GATA4: variants seen among roughly 807,000 people sequenced by gnomAD.
GATA4 encodes GATA binding protein 4.
In GATA4, 7 loss-of-function variants were observed where a neutral mutation model predicts 37.9. The observed-to-expected ratio is 0.18, with a 90% CI of 0.11 to 0.35. GATA4 has a LOEUF of 0.35. GATA4 is among the 10% of genes least tolerant of loss of function. The probability of loss-of-function intolerance (pLI) is 1.00; values close to 1 mark genes in which losing one functional copy is unlikely to be tolerated. For missense variants in GATA4, 647 were observed against 653.0 expected (o/e 0.99, Z 0.10); for synonymous variants, 372 against 292.6 (o/e 1.27, Z -2.77).
In GATA4 at chr8:11,759,856, A is replaced by G. The variant is rs3735812; in HGVS notation, c.*1381A>G. ...TAGCAGAGAATACCTTTGAACCAAGATTCTGTTTTAATCATCATTTACATT... is the reference window on the plus strand; with the variant it reads ...TAGCAGAGAATACCTTTGAACCAAGGTTCTGTTTTAATCATCATTTACATT... On this transcript the variant is annotated 3_prime_UTR_variant, in exon 7 of 7. Transcript: ENST00000532059. The G allele has an allele frequency of 6.5e-3, 998 of 152,690 alleles. 7 individuals carry two copies. Among genetic ancestry groups the G allele is most frequent in the East Asian group, 0.03 (153 of 5,180 alleles). The allele number at this position is 152,690 out of a possible 1,614,324, so 9.5% of individuals were successfully genotyped here.
intron 1 of GATA4, chr8:11,694,578 A>G (rs1799448540): frequency 7.9e-6 from 7 of 888,908 alleles, no homozygotes; most frequent in Non-Finnish European, 9.4e-6. Flanking sequence ...AAGATCATGG[A>G]AGCCAAACTG....
chr8:11,686,652 A>G (rs969059128), intron 1 of GATA4, among the ~76,000 whole-genome samples: 12 of 152,184 alleles, frequency 7.9e-5, no homozygotes, highest in African/African-American at 2.9e-4. Context: ...TTCCTGAAGG[A>G]TGATTCTTGC....
intron 2 of GATA4, among the ~76,000 whole-genome samples, chr8:11,734,155 AT>A (rs370717237): frequency 3.5e-4 from 53 of 152,362 alleles, no homozygotes; most frequent in Middle Eastern, 3.4e-3. Flanking sequence ...TGGCTAAAAT[AT>A]ATCTCCTATA....
In GATA4 at chr8:11,708,254, G is replaced by A; in HGVS notation, c.-59G>A. The stretch of plus-strand genomic sequence containing the variant: ...TGTTGCCGTCGTTTTCTCTCCCCGC[G>A]TGGCTCCTTGACCTGCGAGGGAGAG... On this transcript the variant is annotated 5_prime_UTR_variant, in exon 2 of 7. It adds an upstream start codon to the 5' untranslated region. Coordinates refer to ENST00000532059, the MANE Select transcript of GATA4 (RefSeq NM_001308093.3). This position sits in a 1 kb window ranked among gnomAD's most constrained non-coding sequence, Gnocchi z 6.7. 6.5e-7 allele frequency: 1 copy of A among 1,535,860 alleles called. No individual in the cohort carries two copies. The highest frequency in any genetic ancestry group is 8.7e-7 in the Non-Finnish European group (1 of 1,144,428).
intron 1 of GATA4, chr8:11,681,365 A>G: frequency 1.0e-6 from 1 of 985,226 alleles, no homozygotes; most frequent in Non-Finnish European, 1.2e-6. Flanking sequence ...TCGTCCCCCT[A>G]GGTCTCATAA....
At chr8:11,686,136 G>C (rs960672529) in intron 1 of GATA4, among the ~76,000 whole-genome samples, 11 of 152,110 alleles carry the variant, frequency 7.2e-5, no homozygotes, top group African/African-American at 2.7e-4. Context: ...TGGAGCTGGG[G>C]GAGAGTGGTC....
At chr8:11,716,874 C>T (rs1432199941) in intron 2 of GATA4, among the ~76,000 whole-genome samples, 1 of 152,248 alleles carries the variant, frequency 6.6e-6, no homozygotes, top group Non-Finnish European at 1.5e-5. Flanking sequence ...GCAAATGTAG[C>T]TGCTTGTGTC....
At position 11,707,683 on chromosome 8, in the gene GATA4, T is replaced by C. The variant is rs924675273; in HGVS notation, c.-457-173T>C. On this transcript the variant is annotated intron_variant, in intron 1 of 6. Coordinates refer to ENST00000532059, the MANE Select transcript of GATA4 (RefSeq NM_001308093.3). This position sits in a 1 kb window ranked among gnomAD's most constrained non-coding sequence, Gnocchi z 4.7. Reference sequence around the variant, plus strand: ...TGCCTGGGCCGCCTGACCCAACGCCTGGACAAAACAAAGGCCCCTGCTTCC... The same window carrying C: ...TGCCTGGGCCGCCTGACCCAACGCCCGGACAAAACAAAGGCCCCTGCTTCC... Among the ~76,000 whole-genome samples, 4 of 152,110 alleles carry C rather than the reference T, an allele frequency of 2.6e-5. No homozygotes were observed. Among genetic ancestry groups the C allele is most frequent in the African/African-American group, 7.2e-5 (3 of 41,404 alleles).
chr8:11,679,506 C>G (rs542364121), intron 1 of GATA4, among the ~76,000 whole-genome samples: 4 of 152,364 alleles, frequency 2.6e-5, no homozygotes, highest in African/African-American at 9.6e-5. Flanking sequence ...GTGGAGCCCT[C>G]TCAGGCTGGC....
intron 2 of GATA4, among the ~76,000 whole-genome samples, chr8:11,748,556 T>C (rs1172663495): frequency 6.6e-6 from 1 of 152,190 alleles, no homozygotes; most frequent in Non-Finnish European, 1.5e-5. Context: ...TTACTAACTT[T>C]GAAAGGGAAA....
At position 11,734,565 on chromosome 8, in the gene GATA4, C is replaced by T. The variant is rs369821765; in HGVS notation, c.617-14351C>T. On this transcript the variant is annotated intron_variant, in intron 2 of 6. Transcript: ENST00000532059. ...GCAATGGCGCAACCTCGGCTCACTG[C>T]AACCTCCGCCTCCTGGGTTCAGGCA... Among the ~76,000 whole-genome samples the T allele has an allele frequency of 1.2e-4, 19 of 152,338 alleles. No homozygotes were observed. In the South Asian group the frequency reaches 3.9e-3, roughly 32 times the overall value.
chr8:11,683,392 T>A (rs746979272), intron 1 of GATA4, among the ~76,000 whole-genome samples: 2 of 152,196 alleles, frequency 1.3e-5, no homozygotes, highest in African/African-American at 2.4e-5. Flanking sequence ...CCATTGTGAC[T>A]GTTAGGAAGT....
chr8:11,708,762 G>T lies in GATA4; in HGVS notation c.450G>T (p.Gly150=). The change falls in exon 2 of 7, where the codon GGG becomes GGT. Residue 150 remains glycine (G), a synonymous_variant. Transcript: ENST00000532059. The surrounding 1 kb of genome is among the most constrained non-coding windows in gnomAD (Gnocchi z 6.7). ...GCCTGGCGGGCCGCGAGCAGTACGGGCGCGCCGGCTTCGCGGGCTCCTACT... is the reference window on the plus strand; with the variant it reads ...GCCTGGCGGGCCGCGAGCAGTACGGTCGCGCCGGCTTCGCGGGCTCCTACT... ...GAGLAGREQY[G]RAGFAGSYSS... 2 of 1,420,154 alleles carry T rather than the reference G, an allele frequency of 1.4e-6. No homozygotes were observed. Among genetic ancestry groups the T allele is most frequent in the South Asian group, 1.5e-5 (1 of 68,102 alleles). 88.0% of individuals were successfully genotyped at this position (1,420,154 alleles called of 1,614,324 possible).
rs143342561 is a variant in GATA4 at position 11,747,675 on chromosome 8, C to G, written c.617-1241C>G. ...AGAAATTCTACTTCTCAGAGAGTAT[C>G]TTAAGGAATAACTAGAAATGCACAG... On this transcript the variant is annotated intron_variant, in intron 2 of 6. Transcript: ENST00000532059. Among the ~76,000 whole-genome samples, 3 of 152,204 alleles carry G rather than the reference C, an allele frequency of 2.0e-5. No homozygotes were observed. In the East Asian group the frequency reaches 5.8e-4, roughly 29 times the overall value.
intron 1 of GATA4, chr8:11,694,597 G>A: frequency 1.0e-5 from 8 of 763,902 alleles, no homozygotes; most frequent in Non-Finnish European, 1.3e-5. Context: ...TGTCTGCTTT[G>A]TTCCTAAGAG....
At chr8:11,728,726 C>G (rs1373445652) in intron 2 of GATA4, among the ~76,000 whole-genome samples, 5 of 152,050 alleles carry the variant, frequency 3.3e-5, no homozygotes, top group African/African-American at 1.2e-4. Context: ...GGATTCAATA[C>G]CATAAAGGGT....
intron 2 of GATA4, among the ~76,000 whole-genome samples, chr8:11,712,755 G>C (rs1414323245): frequency 6.6e-6 from 1 of 151,694 alleles, no homozygotes; most frequent in Admixed American, 6.6e-5. Context: ...CAGCAACTCA[G>C]GAGGCTGAGG....
At chr8:11,748,854 A>G in intron 2 of GATA4, 62 bp from the exon 3 acceptor site, 2 of 1,574,992 alleles carry the variant, frequency 1.3e-6, no homozygotes, top group Non-Finnish European at 1.7e-6. Flanking sequence ...CAGATGTGAG[A>G]GCTGGGCATA....
chr8:11,745,668 A>C (rs377371213), intron 2 of GATA4, among the ~76,000 whole-genome samples: 12 of 152,170 alleles, frequency 7.9e-5, no homozygotes, highest in African/African-American at 2.9e-4. Context: ...AATAATTGTG[A>C]GGAGAAAAGA....
Sources: gnomAD v4.1 joint callset for allele counts (sites outside exome capture counted in the v4.1 genomes callset) on GRCh38, gnomAD v4.1.1 for gene constraint, Gnocchi (gnomAD v3.1) non-coding constraint, MANE v1.5 for transcripts, NCBI Gene and HGNC (gene_info 2026-07-23, HGNC 2026-07-21) for gene names.